Variants in CNST observed in about 807,000 individuals in gnomAD.
The protein encoded by CNST is consortin, connexin sorting protein.
A neutral mutation model predicts 72.4 loss-of-function variants in CNST; 39 were observed. The ratio of observed to expected loss-of-function variants is 0.54; its 90% CI spans 0.42 to 0.70. The LOEUF is 0.70. CNST is among the 30% of genes least tolerant of loss of function. The pLI is 0.00. For missense variants in CNST, 871 were observed against 868.5 expected, an observed-to-expected ratio of 1.00 and a Z score of -0.04; for synonymous variants, 332 against 320.1, an observed-to-expected ratio of 1.04 and a Z score of -0.40.
rs772138950 is a variant in CNST at position 246,667,656 on chromosome 1, G to A, written c.*1751G>A. 4.6e-5 allele frequency: 7 copies of A among 152,112 alleles called. No homozygotes were observed. The highest frequency in any genetic ancestry group is 8.8e-5 in the Non-Finnish European group (6 of 68,022). The allele number at this position is 152,112 out of a possible 1,614,324, so 9.4% of individuals were successfully genotyped here. A position where few individuals can be genotyped will look rare whatever the true frequency, so the allele number is the denominator to read the frequency against. On this transcript the variant is annotated 3_prime_UTR_variant, in exon 11 of 11. Coordinates refer to ENST00000366513, the MANE Select transcript of CNST (RefSeq NM_152609.3). ...AATTTTAAGAATTTGTATTCAAATT[G>A]TATGTAAAATATGTAAAATGTTGAC...
intron 3 of CNST, among the ~76,000 whole-genome samples, chr1:246,625,239 C>T (rs966061353): frequency 6.6e-6 from 1 of 152,060 alleles, no homozygotes; most frequent in East Asian, 1.9e-4. Context: ...TGCAGGATGG[C>T]ATATTGCATT....
At chr1:246,607,604 T>A (rs908483606) in intron 2 of CNST, 2 of 152,548 alleles carry the variant, frequency 1.3e-5, no homozygotes, top group African/African-American at 4.8e-5. Flanking sequence ...CAGTCTCCTG[T>A]AAACAGGAAG....
chr1:246,588,244 A>G (rs1220701902), intron 1 of CNST, among the ~76,000 whole-genome samples: 2 of 152,194 alleles, frequency 1.3e-5, no homozygotes, highest in Non-Finnish European at 2.9e-5. Context: ...CCGTTTTACT[A>G]GTTTTAATGA....
intron 9 of CNST, among the ~76,000 whole-genome samples, chr1:246,657,996 A>C (rs976337872): frequency 3.3e-5 from 5 of 152,170 alleles, no homozygotes; most frequent in African/African-American, 1.2e-4. Context: ...TTAAAACGGC[A>C]CCTTGAAAAT....
chr1:246,597,580 A>G (rs1661971685), intron 2 of CNST, among the ~76,000 whole-genome samples: 1 of 152,226 alleles, frequency 6.6e-6, no homozygotes, highest in African/African-American at 2.4e-5. Context: ...GCACATGGAA[A>G]CTGGGAAGGG....
At chr1:246,642,529 T>G (rs1184714513) in intron 8 of CNST, among the ~76,000 whole-genome samples, 2 of 152,088 alleles carry the variant, frequency 1.3e-5, no homozygotes, top group Non-Finnish European at 2.9e-5. Context: ...ATGATATACT[T>G]TAGTTTGTAT....
chr1:246,570,672 A>T (rs1310661927), intron 1 of CNST, among the ~76,000 whole-genome samples: 1 of 125,892 alleles, frequency 7.9e-6, no homozygotes, highest in African/African-American at 2.7e-5. Context: ...AGATGTGTGG[A>T]TGTTCTATAA....
chr1:246,584,689 C>T (rs1219586691), intron 1 of CNST, among the ~76,000 whole-genome samples: 1 of 152,162 alleles, frequency 6.6e-6, no homozygotes, highest in Non-Finnish European at 1.5e-5. Context: ...ACCGTCCCGG[C>T]AGCCCTGCAG....
intron 2 of CNST, among the ~76,000 whole-genome samples, chr1:246,613,809 T>G (rs1299028697): frequency 2.7e-5 from 4 of 146,586 alleles, no homozygotes; most frequent in African/African-American, 7.6e-5. Flanking sequence ...TTCTCCTGCC[T>G]CAGCCTCCCG....
rs1166977978 is a variant in CNST, at chr1:246,667,402, T to A, written c.*1497T>A. The stretch of plus-strand genomic sequence containing the variant: ...ATTACTGTGTATTTAGTGTTTTGAT[T>A]TTCTATAATTTCAGTTCCGCGTGTT... On this transcript the variant is annotated 3_prime_UTR_variant, in exon 11 of 11. Transcript: ENST00000366513. The A allele has an allele frequency of 1.3e-5, 2 of 152,200 alleles. No homozygotes were observed. The highest frequency in any genetic ancestry group is 2.9e-5 in the Non-Finnish European group (2 of 68,038). The allele number at this position is 152,200 out of a possible 1,614,324, so 9.4% of individuals were successfully genotyped here.
At chr1:246,625,418 T>C (rs868469470) in intron 3 of CNST, among the ~76,000 whole-genome samples, 5 of 125,322 alleles carry the variant, frequency 4.0e-5, no homozygotes, top group African/African-American at 9.5e-5. Flanking sequence ...TTCTTTCTTT[T>C]TTTTTTTTTT....
At chr1:246,622,157 T>C (rs979258449) in intron 3 of CNST, among the ~76,000 whole-genome samples, 1 of 152,228 alleles carries the variant, frequency 6.6e-6, no homozygotes, top group African/African-American at 2.4e-5. Context: ...TAATCCATAG[T>C]TTAAACAATG....
chr1:246,648,173 A>G (rs1364830405), intron 9 of CNST, 136 bp downstream of exon 9: 3 of 1,428,020 alleles, frequency 2.1e-6, no homozygotes, highest in Non-Finnish European at 2.7e-6. Context: ...GTAAGCTTTT[A>G]ATTATTAGTA....
chr1:246,594,511 C>G (rs1399904305), intron 2 of CNST, among the ~76,000 whole-genome samples: 1 of 152,130 alleles, frequency 6.6e-6, no homozygotes, highest in Non-Finnish European at 1.5e-5. Context: ...TGGCTCACAC[C>G]TGTAATCCCA....
chr1:246,622,144 G>A (rs1373229365), intron 3 of CNST, among the ~76,000 whole-genome samples: 1 of 152,222 alleles, frequency 6.6e-6, no homozygotes, highest in Admixed American at 6.5e-5. Context: ...TCTTGGCCTT[G>A]GCTAATCCAT....
intron 6 of CNST, 72 bp from the exon 7 acceptor site, chr1:246,641,677 G>C: frequency 1.2e-6 from 1 of 839,632 alleles, no homozygotes. Flanking sequence ...AGCCATTTCA[G>C]TGACATTTGT....
intron 1 of CNST, among the ~76,000 whole-genome samples, chr1:246,568,564 T>C (rs1659866289): frequency 6.6e-6 from 1 of 152,156 alleles, no homozygotes; most frequent in Non-Finnish European, 1.5e-5. Flanking sequence ...AGAAGTGTGG[T>C]TTTCTATCCT....
Position 246,591,823 on chromosome 1 carries a change from G to A in CNST, c.261G>A (p.Leu87=), listed in dbSNP as rs537248240. 4.6e-5 allele frequency: 74 copies of A among 1,613,904 alleles called. No homozygotes were observed. Among genetic ancestry groups the A allele is most frequent in the Non-Finnish European group, 5.4e-5 (64 of 1,179,962 alleles). ...LSCEVAAGEN[L]QNTLCEASRD... ...GCGAGGTGGCTGCAGGTGAGAACTT[G>A]CAAAACACCCTTTGTGAAGCCTCCA... Residue 87 remains leucine, a synonymous_variant, in exon 2 of 11, where the codon TTG becomes TTA. Transcript: ENST00000366513.
At chr1:246,634,847 C>T (rs1017922555) in intron 6 of CNST, among the ~76,000 whole-genome samples, 2 of 152,142 alleles carry the variant, frequency 1.3e-5, no homozygotes, top group African/African-American at 4.8e-5. Context: ...GTCAGCGCCA[C>T]GTGAGGACGG....
Sources: allele counts gnomAD v4.1 joint callset (sites outside exome capture counted in the v4.1 genomes callset), GRCh38; gene constraint gnomAD v4.1.1; transcripts MANE v1.5; gene names NCBI Gene and HGNC (gene_info 2026-07-23, HGNC 2026-07-21).